Variants in ULK4 observed in about 807,000 individuals in gnomAD.
ULK4 encodes the protein inactive serine/threonine-protein kinase ULK4.
In ULK4, 133 loss-of-function variants were observed where a neutral mutation model predicts 160.6. The observed-to-expected ratio is 0.83, with a 90% CI of 0.72 to 0.96. The LOEUF (loss-of-function observed/expected upper bound fraction) is 0.96, where lower values mean the gene tolerates loss of function less well. Ranked by LOEUF, ULK4 falls within the 40% of genes least tolerant of loss-of-function variation. The probability of loss-of-function intolerance (pLI) is 0.00; values close to 1 mark genes in which losing one functional copy is unlikely to be tolerated. For missense variants in ULK4, 1,580 were observed against 1,499.5 expected (o/e 1.05, Z -0.89); for synonymous variants, 534 against 539.8 (o/e 0.99, Z 0.15).
Position 41,852,424 on chromosome 3 carries a change from T to G in ULK4, c.1657-16453A>C, listed in dbSNP as rs184360513. Among the ~76,000 whole-genome samples the G allele has an allele frequency of 5.3e-5, 8 of 152,296 alleles. No homozygotes were observed. The East Asian group carries it at 1.3e-3, about 26-fold the overall frequency. ...TAATAAATCTATAGTTCAAAATTAA[T>G]TACTCAATTAAAATTACTTTTTCCA... On this transcript the variant is annotated intron_variant, in intron 17 of 36. Transcript: ENST00000301831.
intron 35 of ULK4, among the ~76,000 whole-genome samples, chr3:41,326,297 C>T (rs1487972843): frequency 6.6e-6 from 1 of 152,158 alleles, no homozygotes; most frequent in Non-Finnish European, 1.5e-5. Context: ...CAGCTAATTC[C>T]TGCAAGAATT....
intron 34 of ULK4, among the ~76,000 whole-genome samples, chr3:41,433,103 G>A (rs1458532087): frequency 1.3e-5 from 2 of 152,106 alleles, no homozygotes; most frequent in Non-Finnish European, 2.9e-5. Flanking sequence ...GTGAAAAAAG[G>A]ATAAGCCTAT....
At chr3:41,542,742 G>C (rs1026819616) in intron 32 of ULK4, among the ~76,000 whole-genome samples, 1 of 152,018 alleles carries the variant, frequency 6.6e-6, no homozygotes, top group Non-Finnish European at 1.5e-5. Context: ...TCCTGGTTTC[G>C]ACTTGGGAGG....
chr3:41,546,767 TAAAA>T (rs1158675738), intron 32 of ULK4, among the ~76,000 whole-genome samples: 51 of 32,538 alleles, frequency 1.6e-3, no homozygotes, highest in African/African-American at 4.1e-3. Context: ...CCTAGGCCCT[TAAAA>T]AAAAAAAAAA....
At chr3:41,828,137 T>C (rs988919898) in intron 18 of ULK4, among the ~76,000 whole-genome samples, 1 of 148,494 alleles carries the variant, frequency 6.7e-6, no homozygotes, top group Non-Finnish European at 1.5e-5. Context: ...TAGGTACTGA[T>C]GAGACCTATC....
Position 41,648,157 on chromosome 3 carries a change from G to A in ULK4, c.3071+15450C>T, listed in dbSNP as rs957176929. Among the ~76,000 whole-genome samples, 8 of 152,288 alleles carry A rather than the reference G, an allele frequency of 5.3e-5. No homozygotes were observed. The East Asian group carries it at 9.7e-4, about 18-fold the overall frequency. ...TGACCCCTTGCGCTTCCCGAGTGAG[G>A]CAATGCCTTGCCCTGCTTCAGCTCC... On this transcript the variant is annotated intron_variant, in intron 30 of 36. Coordinates refer to ENST00000301831, the MANE Select transcript of ULK4 (RefSeq NM_017886.4).
chr3:41,459,675 G>T (rs1185499653), intron 33 of ULK4, among the ~76,000 whole-genome samples: 1 of 152,200 alleles, frequency 6.6e-6, no homozygotes, highest in African/African-American at 2.4e-5. Context: ...TCATCACTTG[G>T]ATGGTGGGGA....
chr3:41,456,541 A>T (rs2083558347), intron 33 of ULK4, among the ~76,000 whole-genome samples: 1 of 152,230 alleles, frequency 6.6e-6, no homozygotes, highest in African/African-American at 2.4e-5. Context: ...GGCAATGAAA[A>T]TAAATGAGTG....
intron 32 of ULK4, among the ~76,000 whole-genome samples, chr3:41,503,194 T>C (rs2085268701): frequency 1.3e-5 from 2 of 152,126 alleles, no homozygotes; most frequent in African/African-American, 4.8e-5. Context: ...GAATTATGAG[T>C]AGATGTCAAT....
At chr3:41,295,190 A>ACCTTTTAGAATGGCCCAGATCTGGAATAT (rs1260123578) in intron 35 of ULK4, among the ~76,000 whole-genome samples, 8 of 136,810 alleles carry the variant, frequency 5.8e-5, no homozygotes, top group South Asian at 4.8e-4. Flanking sequence ...AGGCAAAACA[A>ACCTTTTAGAATGGCCCAGATCTGGAATAT]TGGAGCAAAC....
intron 27 of ULK4, among the ~76,000 whole-genome samples, chr3:41,691,943 C>CTTTTTTTTTTTT (rs751734628): frequency 1.0e-5 from 1 of 96,352 alleles, no homozygotes; most frequent in African/African-American, 5.7e-5. Flanking sequence ...CAAATCACTT[C>CTTTTTTTTTTTT]TTTTTTTTTT....
In ULK4 at chr3:41,249,529, T is replaced by G; in HGVS notation, c.3724A>C (p.Ser1242Arg). The G allele has an allele frequency of 6.2e-7, 1 of 1,614,144 alleles. No homozygotes were observed. The highest frequency in any genetic ancestry group is 8.5e-7 in the Non-Finnish European group (1 of 1,179,998). Residue 1242 changes from serine (S) to arginine (R), a missense_variant, in exon 36 of 37, where the codon AGC becomes CGC. Transcript: ENST00000301831. ...KHLESLKNAG[S>R]LLRALERLAP... is the part of the protein sequence containing the mutation. ...AGCCGCTCCAGAGCCCGCAGGAGGC[T>G]GCCTGCATTCTTGAGGCTCTCCAAG...
At chr3:41,568,471 A>G (rs1434258951) in intron 31 of ULK4, among the ~76,000 whole-genome samples, 1 of 152,204 alleles carries the variant, frequency 6.6e-6, no homozygotes, top group Non-Finnish European at 1.5e-5. Flanking sequence ...CTTATAAGTG[A>G]CACCCTCTTC....
At chr3:41,361,240 T>C (rs548810973) in intron 35 of ULK4, among the ~76,000 whole-genome samples, 22 of 152,276 alleles carry the variant, frequency 1.4e-4, no homozygotes, top group African/African-American at 5.1e-4. Flanking sequence ...GTTTCCTCAG[T>C]GACATATGAA....
chr3:41,455,359 A>T (rs2083520291), intron 34 of ULK4, 138 bp downstream of exon 34: 2 of 745,182 alleles, frequency 2.7e-6, no homozygotes, highest in Non-Finnish European at 2.1e-6. Flanking sequence ...TTTCCAGGCC[A>T]AATAATCTTC....
At chr3:41,837,973 G>A (rs1211675755) in intron 17 of ULK4, among the ~76,000 whole-genome samples, 1 of 152,140 alleles carries the variant, frequency 6.6e-6, no homozygotes, top group Non-Finnish European at 1.5e-5. Context: ...AGTGGGTGAG[G>A]AAGAAAAAGG....
At chr3:41,311,538 T>G (rs190708640) in intron 35 of ULK4, among the ~76,000 whole-genome samples, 718 of 152,248 alleles carry the variant, frequency 4.7e-3, no homozygotes, top group Non-Finnish European at 7.5e-3. Context: ...TGGGACCTTG[T>G]AATTGTGTGA....
At chr3:41,785,601 T>C (rs1219298954) in intron 21 of ULK4, among the ~76,000 whole-genome samples, 1 of 152,184 alleles carries the variant, frequency 6.6e-6, no homozygotes, top group East Asian at 1.9e-4. Context: ...ACACGTAGAA[T>C]TCCTTCTCCC....
rs753386122 is a variant in ULK4 at position 41,883,947 on chromosome 3, G to C, written c.1583C>G (p.Ala528Gly). Reference protein sequence around the residue: ...LRIAPNWDIRAKVAHVIGLLA... With the variant: ...LRIAPNWDIRGKVAHVIGLLA... ...TAAACCAATTACGTGAGCAACCTTG[G>C]CCCGTCTGTAAATGGAGAGAAAACA... Residue 528 changes from alanine (A) to glycine (G), a missense_variant, in exon 17 of 37, where the codon GCC (alanine) becomes GGC (glycine). Ala to Gly is a moderately conservative substitution (Grantham distance 60). Transcript: ENST00000301831. The C allele has an allele frequency of 6.2e-7, 1 of 1,608,860 alleles. No homozygotes were observed. The highest frequency in any genetic ancestry group is 1.1e-5 in the South Asian group (1 of 90,960).
Sources: gnomAD v4.1 joint callset for allele counts (sites outside exome capture counted in the v4.1 genomes callset) on GRCh38, gnomAD v4.1.1 for gene constraint, MANE v1.5 for transcripts, NCBI Gene and HGNC (gene_info 2026-07-23, HGNC 2026-07-21) for gene names.